The following DACH1 variants were observed in gnomAD, a reference collection of about 807,000 sequenced individuals.
DACH1 encodes the protein dachshund homolog 1.
DACH1 carries 12 observed loss-of-function variants against 54.2 expected under a neutral mutation model. The observed-to-expected ratio is 0.22, with a 90% confidence interval of 0.14 to 0.36. The LOEUF (loss-of-function observed/expected upper bound fraction) is 0.36, where lower values mean the gene tolerates loss of function less well. Ranked by LOEUF, DACH1 falls within the 10% of genes least tolerant of loss-of-function variation. The probability of loss-of-function intolerance (pLI) is 1.00; values close to 1 mark genes in which losing one functional copy is unlikely to be tolerated. For missense variants in DACH1, 805 were observed against 929.8 expected, an observed-to-expected ratio of 0.87 and a Z score of 1.75; for synonymous variants, 386 against 366.2, an observed-to-expected ratio of 1.05 and a Z score of -0.62.
At chr13:71,816,582 G>GTGTGTATATATATACACGTA (rs1566519201) in intron 1 of DACH1, among the ~76,000 whole-genome samples, 13 of 138,388 alleles carry the variant, frequency 9.4e-5, no homozygotes, top group African/African-American at 3.8e-4. Flanking sequence ...ATATATACAC[G>GTGTGTATATATATACACGTA]TATATATATA....
chr13:71,861,162 A>T (rs1270295069), intron 1 of DACH1, among the ~76,000 whole-genome samples: 4 of 152,010 alleles, frequency 2.6e-5, no homozygotes, highest in African/African-American at 9.7e-5. Context: ...TTGGACTAAA[A>T]AAATGAAGAT....
intron 2 of DACH1, among the ~76,000 whole-genome samples, chr13:71,642,764 T>C (rs1878002766): frequency 1.3e-5 from 2 of 152,154 alleles, no homozygotes; most frequent in Non-Finnish European, 2.9e-5. Flanking sequence ...CTCATGGCTG[T>C]AATCCCAGCG....
intron 1 of DACH1, among the ~76,000 whole-genome samples, chr13:71,821,529 T>C (rs1205102995): frequency 8.0e-6 from 1 of 124,342 alleles, no homozygotes; most frequent in East Asian, 2.0e-4. Flanking sequence ...ATCTGTTTTC[T>C]TCAAAATATT....
intron 4 of DACH1, among the ~76,000 whole-genome samples, chr13:71,570,983 C>T (rs1212458497): frequency 1.3e-5 from 2 of 152,084 alleles, no homozygotes; most frequent in South Asian, 2.1e-4. Flanking sequence ...TAAATAAAGG[C>T]TTTTTGATGC....
chr13:71,729,316 T>C (rs542355446), intron 1 of DACH1, among the ~76,000 whole-genome samples: 2 of 152,190 alleles, frequency 1.3e-5, no homozygotes, highest in African/African-American at 4.8e-5. Flanking sequence ...GCAATCTATC[T>C]AGTCCACACA....
At chr13:71,676,752 A>C (rs1054938902) in intron 2 of DACH1, among the ~76,000 whole-genome samples, 2 of 152,204 alleles carry the variant, frequency 1.3e-5, no homozygotes, top group Non-Finnish European at 2.9e-5. Flanking sequence ...ATTCTAGATT[A>C]ATATTGCCCC....
intron 6 of DACH1, among the ~76,000 whole-genome samples, chr13:71,527,185 A>G (rs938427173): frequency 1.3e-5 from 2 of 151,818 alleles, no homozygotes; most frequent in African/African-American, 2.4e-5. Context: ...AATAATGATT[A>G]AATTATTAAT....
At chr13:71,744,926 G>T (rs1489960903) in intron 1 of DACH1, among the ~76,000 whole-genome samples, 2 of 152,090 alleles carry the variant, frequency 1.3e-5, no homozygotes, top group Non-Finnish European at 2.9e-5. Flanking sequence ...AGGTTTGGTT[G>T]AAAAGAATAC....
intron 1 of DACH1, among the ~76,000 whole-genome samples, chr13:71,698,431 A>T (rs1336027382): frequency 6.6e-6 from 1 of 152,166 alleles, no homozygotes; most frequent in East Asian, 1.9e-4. Context: ...TATTTCTCAA[A>T]GAACGTTTAG....
At chr13:71,636,069 C>A (rs1199598755) in intron 2 of DACH1, among the ~76,000 whole-genome samples, 2 of 152,118 alleles carry the variant, frequency 1.3e-5, no homozygotes, top group Admixed American at 6.6e-5. Context: ...CAGGCATGAG[C>A]CACTGCGCCC....
intron 6 of DACH1, among the ~76,000 whole-genome samples, chr13:71,493,748 A>C (rs1412980855): frequency 6.6e-6 from 1 of 152,104 alleles, no homozygotes; most frequent in Non-Finnish European, 1.5e-5. Flanking sequence ...TTTTTATAAA[A>C]ATTTATAAAA....
At chr13:71,847,425 T>C (rs1485936030) in intron 1 of DACH1, among the ~76,000 whole-genome samples, 1 of 152,148 alleles carries the variant, frequency 6.6e-6, no homozygotes, top group Non-Finnish European at 1.5e-5. Context: ...ATCTGAGGGT[T>C]TTAGCACAAA....
chr13:71,522,916 T>C (rs940158528), intron 6 of DACH1, among the ~76,000 whole-genome samples: 1 of 152,130 alleles, frequency 6.6e-6, no homozygotes, highest in Non-Finnish European at 1.5e-5. Context: ...CTTTTGTTCT[T>C]ACTGAAGTTA....
Position 71,866,865 on chromosome 13 carries a change from C to G in DACH1, c.-96G>C. On this transcript the variant is annotated 5_prime_UTR_variant, in exon 1 of 11. Coordinates refer to ENST00000613252, the MANE Select transcript of DACH1 (RefSeq NM_080759.6). ...AGGGGAAAAAAGGGGGGAGAAGGAG[C>G]GAGGGGGGCAACAACAACTCCGGGA... 1 of 1,011,830 alleles carries G rather than the reference C, an allele frequency of 9.9e-7. No homozygotes were observed. Among genetic ancestry groups the G allele is most frequent in the Non-Finnish European group, 1.3e-6 (1 of 793,562 alleles). The allele number at this position is 1,011,830 out of a possible 1,614,324, so 62.7% of individuals were successfully genotyped here. A position where few individuals can be genotyped will look rare whatever the true frequency, so the allele number is the denominator to read the frequency against.
At chr13:71,519,714 A>C (rs1467114872) in intron 6 of DACH1, among the ~76,000 whole-genome samples, 1 of 150,582 alleles carries the variant, frequency 6.6e-6, no homozygotes, top group Non-Finnish European at 1.5e-5. Context: ...TTTATTAATA[A>C]ACTGATCTAA....
chr13:71,531,826 C>T lies in DACH1; in HGVS notation c.1570+25198G>A, dbSNP rs1305474356. 1.3e-4 allele frequency among the ~76,000 whole-genome samples: 19 copies of T among 151,894 alleles called. No homozygotes were observed. In the East Asian group the frequency reaches 2.9e-3, roughly 23 times the overall value. ...AAAACACAGGCTCACAGGTCAAAGA[C>T]CTCTTTGGAATGCCTGTTCGATCAC... On this transcript the variant is annotated intron_variant, in intron 6 of 10. Coordinates refer to ENST00000613252, the MANE Select transcript of DACH1 (RefSeq NM_080759.6).
In DACH1 at chr13:71,865,953, C is replaced by T. The variant is rs1401060262; in HGVS notation, c.817G>A (p.Glu273Lys). 1 of 1,613,744 alleles carries T rather than the reference C, an allele frequency of 6.2e-7. No individual in the cohort carries two copies. The highest frequency in any genetic ancestry group is 1.7e-5 in the Admixed American group (1 of 59,992). ...RCKLISRKDF[E>K]TLYNDCTNAS... ...TTGGTGCAGTCATTGTAGAGGGTCTCGAAGTCCTTCCTGGAGATGAGTTTG... is the reference window on the plus strand; with the variant it reads ...TTGGTGCAGTCATTGTAGAGGGTCTTGAAGTCCTTCCTGGAGATGAGTTTG... Residue 273 changes from glutamate to lysine, a missense_variant, in exon 1 of 11, where the codon GAG becomes AAG. By Grantham distance (56) the Glu-to-Lys change is moderately conservative. Around this residue, in one of 3 missense-constraint regions of DACH1, gnomAD observed 472 missense variants for 545.3 expected, o/e 0.87. Coordinates refer to ENST00000613252, the MANE Select transcript of DACH1 (RefSeq NM_080759.6).
intron 2 of DACH1, among the ~76,000 whole-genome samples, chr13:71,655,694 C>T (rs572577627): frequency 6.6e-6 from 1 of 152,042 alleles, no homozygotes; most frequent in South Asian, 2.1e-4. Context: ...TGAAAGCACA[C>T]AAAATAAAAA....
intron 1 of DACH1, among the ~76,000 whole-genome samples, chr13:71,809,512 T>C (rs1887630927): frequency 6.6e-6 from 1 of 152,160 alleles, no homozygotes. Context: ...CTTTTGAAAT[T>C]AAGTTGAAAA....
Sources: gnomAD v4.1 joint callset for allele counts (sites outside exome capture counted in the v4.1 genomes callset) on GRCh38, gnomAD v4.1.1 for gene constraint, gnomAD v4.1.1 regional missense constraint, MANE v1.5 for transcripts, NCBI Gene and HGNC (gene_info 2026-07-23, HGNC 2026-07-21) for gene names.